GRM3: variants seen among roughly 807,000 people sequenced by gnomAD.
The protein encoded by GRM3 is metabotropic glutamate receptor 3.
In GRM3, 26 loss-of-function variants were observed where a neutral mutation model predicts 70.5. That is an observed-to-expected ratio of 0.37 (90% CI 0.27 to 0.51). The LOEUF (loss-of-function observed/expected upper bound fraction) is 0.51, where lower values mean the gene tolerates loss of function less well. GRM3 is among the 20% of genes least tolerant of loss of function. The pLI, the probability that GRM3 is intolerant of heterozygous loss-of-function variation, is 0.93. For missense variants in GRM3, 859 were observed against 1,123.8 expected, an observed-to-expected ratio of 0.76 and a Z score of 3.37; for synonymous variants, 443 against 434.9, an observed-to-expected ratio of 1.02 and a Z score of -0.23.
chr7:86,719,441 A>G (rs1426016258), intron 1 of GRM3, among the ~76,000 whole-genome samples: 1 of 152,064 alleles, frequency 6.6e-6, no homozygotes, highest in Non-Finnish European at 1.5e-5. Context: ...AAGAGCTGAC[A>G]GTCCAGGAAA....
intron 3 of GRM3, among the ~76,000 whole-genome samples, chr7:86,812,898 A>G (rs1452574928): frequency 6.6e-6 from 1 of 151,768 alleles, no homozygotes; most frequent in Non-Finnish European, 1.5e-5. Flanking sequence ...AGTTTGCTCT[A>G]TGTAATGAAC....
chr7:86,665,659 T>A (rs1446237168), intron 1 of GRM3, among the ~76,000 whole-genome samples: 1 of 152,080 alleles, frequency 6.6e-6, no homozygotes, highest in African/African-American at 2.4e-5. Flanking sequence ...GTCTTCTCTA[T>A]AAACCATATG....
At chr7:86,781,071 T>C (rs1182043164) in intron 2 of GRM3, among the ~76,000 whole-genome samples, 2 of 152,166 alleles carry the variant, frequency 1.3e-5, no homozygotes, top group South Asian at 2.1e-4. Context: ...CTCTATGCAC[T>C]CTTTACCTTA....
Position 86,765,274 on chromosome 7 carries a change from C to T in GRM3, c.129C>T (p.Gly43=), listed in dbSNP as rs1796572628. 1 of 1,613,706 alleles carries T rather than the reference C, an allele frequency of 6.2e-7. No individual in the cohort carries two copies. The change falls in exon 2 of 6, where the codon GGC becomes GGT. Residue 43 remains glycine, a synonymous_variant. Transcript: ENST00000361669. ...IKIEGDLVLG[G]LFPINEKGTG... ...TAGAAGGTGACCTTGTTTTAGGGGG[C>T]CTGTTTCCTATTAACGAAAAAGGCA...
intron 1 of GRM3, among the ~76,000 whole-genome samples, chr7:86,762,543 C>T (rs1010489601): frequency 6.6e-6 from 1 of 152,108 alleles, no homozygotes; most frequent in Non-Finnish European, 1.5e-5. Context: ...TTTTTTCTTC[C>T]TTGGCACCTA....
intron 3 of GRM3, among the ~76,000 whole-genome samples, chr7:86,814,790 A>G (rs904721518): frequency 9.3e-5 from 14 of 151,086 alleles, no homozygotes; most frequent in African/African-American, 3.4e-4. Flanking sequence ...GCTGGTGTAA[A>G]TTATCTAGTA....
At chr7:86,776,911 C>T (rs1032606581) in intron 2 of GRM3, among the ~76,000 whole-genome samples, 1 of 152,172 alleles carries the variant, frequency 6.6e-6, no homozygotes, top group Admixed American at 6.5e-5. Context: ...ACATGAACCA[C>T]TTCACTTCTG....
intron 2 of GRM3, among the ~76,000 whole-genome samples, chr7:86,772,565 T>C (rs945806098): frequency 6.6e-6 from 1 of 152,088 alleles, no homozygotes; most frequent in Non-Finnish European, 1.5e-5. Context: ...TATCCAAGGC[T>C]CAACACAACT....
At chr7:86,843,492 C>A (rs1023854963) in intron 4 of GRM3, among the ~76,000 whole-genome samples, 4 of 152,126 alleles carry the variant, frequency 2.6e-5, no homozygotes, top group East Asian at 1.9e-4. Context: ...AGAAACTATC[C>A]GAGTCATCTC....
rs1052348070 is a variant in GRM3 at position 86,864,664 on chromosome 7, A to G, written c.*309A>G. The G allele has an allele frequency of 4.5e-6, 1 of 223,800 alleles. No homozygotes were observed. Among genetic ancestry groups the G allele is most frequent in the African/African-American group, 2.4e-5 (1 of 42,086 alleles). 13.9% of individuals were successfully genotyped at this position (223,800 alleles called of 1,614,324 possible). On this transcript the variant is annotated 3_prime_UTR_variant, in exon 6 of 6. Coordinates refer to ENST00000361669, the MANE Select transcript of GRM3 (RefSeq NM_000840.3). ...AAAAAAAAAAAACAAAAAAAAAAAA[A>G]CAAAAGAAAAAAATAAAAATACGGT...
chr7:86,650,272 G>C (rs1359207875), intron 1 of GRM3, among the ~76,000 whole-genome samples: 1 of 152,066 alleles, frequency 6.6e-6, no homozygotes, highest in Non-Finnish European at 1.5e-5. Flanking sequence ...AGTTAACAAG[G>C]CTGCAACTGG....
chr7:86,733,680 TG>T (rs751947916), intron 1 of GRM3, among the ~76,000 whole-genome samples: 6 of 152,086 alleles, frequency 3.9e-5, no homozygotes, highest in Non-Finnish European at 8.8e-5. Context: ...CTAACAGATC[TG>T]GGGGGAGTTG....
At chr7:86,744,400 A>G (rs1796056940) in intron 1 of GRM3, among the ~76,000 whole-genome samples, 1 of 151,698 alleles carries the variant, frequency 6.6e-6, no homozygotes. Context: ...TGGGCCCCTT[A>G]AAATAATTGC....
At chr7:86,710,976 A>G (rs1427277134) in intron 1 of GRM3, among the ~76,000 whole-genome samples, 1 of 152,016 alleles carries the variant, frequency 6.6e-6, no homozygotes, top group Non-Finnish European at 1.5e-5. Context: ...GTCTGGCTCC[A>G]TTATTCATGC....
At chr7:86,815,208 A>G (rs1205377401) in intron 3 of GRM3, among the ~76,000 whole-genome samples, 1 of 151,840 alleles carries the variant, frequency 6.6e-6, no homozygotes, top group Admixed American at 6.6e-5. Context: ...TCTGCTGGAC[A>G]GAACACGTAT....
At chr7:86,762,423 G>A (rs754464394) in intron 1 of GRM3, among the ~76,000 whole-genome samples, 23 of 152,068 alleles carry the variant, frequency 1.5e-4, no homozygotes, top group African/African-American at 5.1e-4. Context: ...GGAACAGAAA[G>A]TAAGCAGAAA....
Position 86,838,852 on chromosome 7 carries a change from A to C in GRM3, c.1338A>C (p.Pro446=). The C allele has an allele frequency of 3.1e-6, 5 of 1,604,276 alleles. No individual in the cohort carries two copies. The East Asian group carries it at 8.9e-5, about 29-fold the overall frequency. The change falls in exon 4 of 6, where the codon CCA becomes CCC. Residue 446 remains proline (P), a synonymous_variant. Transcript: ENST00000361669. ...LKINFTAPFN[P]NKDADSIVKF... ...TACATATCACAGCTCCATTCAACCCAAATAAAGATGCAGATAGCATAGTCA... is the reference window on the plus strand; with the variant it reads ...TACATATCACAGCTCCATTCAACCCCAATAAAGATGCAGATAGCATAGTCA...
At chr7:86,850,331 T>C (rs759073587) in intron 4 of GRM3, 39 bp from the exon 5 acceptor site, 4 of 1,488,692 alleles carry the variant, frequency 2.7e-6, no homozygotes, top group Non-Finnish European at 3.7e-6. Flanking sequence ...CTTGACTGAA[T>C]GTACAGCCAG....
chr7:86,688,124 C>G (rs530929569), intron 1 of GRM3, among the ~76,000 whole-genome samples: 59 of 151,414 alleles, frequency 3.9e-4, no homozygotes, highest in African/African-American at 1.3e-3. Flanking sequence ...TTTTACACCT[C>G]GAATATAATT....
Sources: allele counts gnomAD v4.1 joint callset (sites outside exome capture counted in the v4.1 genomes callset), GRCh38; gene constraint gnomAD v4.1.1; transcripts MANE v1.5; gene names NCBI Gene and HGNC (gene_info 2026-07-23, HGNC 2026-07-21).